The following AFG2B variants were observed in gnomAD, a reference collection of about 807,000 sequenced individuals.
AFG2B encodes ATPase family gene 2 protein homolog B.
the AFG2B span, chr15:45,418,412 G>A: frequency 3.6e-6 from 2 of 551,832 alleles, no homozygotes; most frequent in Non-Finnish European, 5.8e-6. Flanking sequence ...TGTCATATAA[G>A]CCATTGATGA....
the AFG2B span, chr15:45,417,308 C>T: frequency 6.2e-7 from 1 of 1,614,014 alleles, no homozygotes; most frequent in South Asian, 1.1e-5. Context: ...ATGATTATTG[C>T]AGCAACAAAT....
At chr15:45,414,041 A>G in the AFG2B span, among the ~76,000 whole-genome samples, 1 of 152,212 alleles carries the variant, frequency 6.6e-6, no homozygotes, top group African/African-American at 2.4e-5. Context: ...GCAGAGCAGA[A>G]TGACAAACCC....
chr15:45,410,540 A>C, the AFG2B span: 2 of 1,595,198 alleles, frequency 1.3e-6, no homozygotes, highest in Non-Finnish European at 1.7e-6. Flanking sequence ...GGTAAGACAG[A>C]TAATCTACTT....
chr15:45,402,725 T>G, the AFG2B span: 4 of 1,564,574 alleles, frequency 2.6e-6, no homozygotes, highest in Non-Finnish European at 2.6e-6. Context: ...CTGAATCGCC[T>G]CCTCCTAGTG....
the AFG2B span, chr15:45,402,922 A>T: frequency 2.5e-6 from 4 of 1,597,800 alleles, no homozygotes; most frequent in Non-Finnish European, 2.5e-6. Flanking sequence ...TGCCTTGCAC[A>T]TCGTCGGCGG....
the AFG2B span, chr15:45,405,471 A>G: frequency 9.9e-6 from 16 of 1,613,714 alleles, no homozygotes; most frequent in Non-Finnish European, 1.3e-5. Context: ...CTCTGTAGGG[A>G]GGCTGCCATG....
At chr15:45,410,305 TTG>T in the AFG2B span, 1 of 1,538,670 alleles carries the variant, frequency 6.5e-7, no homozygotes, top group South Asian at 1.2e-5. Flanking sequence ...TAAAAACAAA[TTG>T]TGCTATAAAA....
the AFG2B span, chr15:45,403,669 C>CATTG: frequency 1.0e-6 from 1 of 964,416 alleles, no homozygotes; most frequent in Non-Finnish European, 1.5e-6. Flanking sequence ...ACGTTCTCTG[C>CATTG]CGATATATGA....
At chr15:45,405,628 C>G in the AFG2B span, 3 of 904,928 alleles carry the variant, frequency 3.3e-6, no homozygotes, top group East Asian at 8.0e-5. Flanking sequence ...ACAGCTGTTG[C>G]TTATACATTT....
the AFG2B span, among the ~76,000 whole-genome samples, chr15:45,412,412 A>T: frequency 6.6e-6 from 1 of 151,144 alleles, no homozygotes; most frequent in Non-Finnish European, 1.5e-5. Context: ...AAAAAAAAAA[A>T]TTATAATCTA....
the AFG2B span, chr15:45,405,339 C>T: frequency 1.9e-6 from 3 of 1,614,078 alleles, no homozygotes; most frequent in South Asian, 1.1e-5. Context: ...GGGACTCCCA[C>T]ACTTAAACAA....
At chr15:45,402,737 C>T in the AFG2B span, 2 of 1,565,782 alleles carry the variant, frequency 1.3e-6, no homozygotes, top group South Asian at 1.2e-5. Context: ...CTCCTAGTGC[C>T]CTGTCCGCCC....
the AFG2B span, among the ~76,000 whole-genome samples, chr15:45,418,269 G>T: frequency 6.6e-6 from 1 of 151,230 alleles, no homozygotes; most frequent in East Asian, 1.9e-4. Context: ...ACTTGAACCC[G>T]GGAGGTGGAG....
At chr15:45,402,524 G>T in the AFG2B span, 9 of 1,601,254 alleles carry the variant, frequency 5.6e-6, no homozygotes, top group Admixed American at 6.9e-5. Context: ...TGCCGCCTGG[G>T]CCCGGCCGCC....
the AFG2B span, among the ~76,000 whole-genome samples, chr15:45,420,576 A>G: frequency 2.6e-5 from 4 of 152,138 alleles, no homozygotes; most frequent in African/African-American, 9.7e-5. Context: ...TGCAAAGTGG[A>G]TTTCTAATCA....
chr15:45,419,221 G>T, the AFG2B span, among the ~76,000 whole-genome samples: 1 of 152,174 alleles, frequency 6.6e-6, no homozygotes, highest in African/African-American at 2.4e-5. Context: ...GCCAAGGCGA[G>T]AGGATTGCTT....
At chr15:45,403,069 G>A in the AFG2B span, 2 of 1,536,962 alleles carry the variant, frequency 1.3e-6, no homozygotes, top group Non-Finnish European at 8.7e-7. Context: ...CTCGCTGCGG[G>A]AGCTCCTCCG....
the AFG2B span, chr15:45,417,440 T>A: frequency 1.5e-5 from 24 of 1,606,222 alleles, no homozygotes; most frequent in Non-Finnish European, 2.0e-5. Flanking sequence ...CTCAGCAGAA[T>A]TGAATTCCAA....
At chr15:45,420,001 A>ACC in the AFG2B span, among the ~76,000 whole-genome samples, 1,152 of 84,464 alleles carry the variant, frequency 0.014, 75 homozygotes, top group East Asian at 0.11. Flanking sequence ...CCCCCCCAAA[A>ACC]AAAAAAAAAA....
Sources: gnomAD v4.1 joint callset for allele counts (sites outside exome capture counted in the v4.1 genomes callset) on GRCh38, gnomAD v4.1.1 for gene constraint, MANE v1.5 for transcripts, NCBI Gene and HGNC (gene_info 2026-07-23, HGNC 2026-07-21) for gene names.